The following PPP2R2C variants were observed in gnomAD, a reference collection of about 807,000 sequenced individuals.
PPP2R2C encodes the protein protein phosphatase 2, regulatory subunit B, gamma.
Under a neutral mutation model 45.3 loss-of-function variants are expected in PPP2R2C, and 10 were observed. That is an observed-to-expected ratio of 0.22 (90% CI 0.14 to 0.37). The LOEUF (loss-of-function observed/expected upper bound fraction) is 0.37. PPP2R2C is among the 10% of genes least tolerant of loss of function. The pLI, the probability that PPP2R2C is intolerant of heterozygous loss-of-function variation, is 1.00. For missense variants in PPP2R2C, 308 were observed against 619.7 expected (o/e 0.50, Z 5.34); for synonymous variants, 257 against 245.4 (o/e 1.05, Z -0.44).
chr4:6,421,601 G>C (rs1419177095), intron 1 of PPP2R2C, among the ~76,000 whole-genome samples: 1 of 152,124 alleles, frequency 6.6e-6, no homozygotes, highest in African/African-American at 2.4e-5. Flanking sequence ...ATGCTCACGG[G>C]CAGATGGACC....
At chr4:6,489,007 C>T (rs1722613766) in intron 2 of PPP2R2C, among the ~76,000 whole-genome samples, 1 of 151,802 alleles carries the variant, frequency 6.6e-6, no homozygotes, top group South Asian at 2.1e-4. Context: ...TTCTGCATAA[C>T]TCCAGAGCTG....
rs573161849 is a variant in PPP2R2C, at chr4:6,345,554, G to A, written c.790+2292C>T. On this transcript the variant is annotated intron_variant, in intron 6 of 8. Transcript: ENST00000382599. The surrounding 1 kb of genome is among the most constrained non-coding windows in gnomAD (Gnocchi z 5.3). ...AAAGACAGACAGGAGGGTCAGAGACGTGAGAGAGGCTTGGCCGCTGTGGGC... is the reference window on the plus strand; with the variant it reads ...AAAGACAGACAGGAGGGTCAGAGACATGAGAGAGGCTTGGCCGCTGTGGGC... Among the ~76,000 whole-genome samples, 3 of 152,176 alleles carry A rather than the reference G, an allele frequency of 2.0e-5. No homozygotes were observed. The highest frequency in any genetic ancestry group is 2.9e-5 in the Non-Finnish European group (2 of 68,022).
At chr4:6,492,001 T>C (rs1297089774) in intron 2 of PPP2R2C, among the ~76,000 whole-genome samples, 1 of 152,022 alleles carries the variant, frequency 6.6e-6, no homozygotes, top group African/African-American at 2.4e-5. Context: ...AGGGCCTGAG[T>C]AAACTACTGT....
At chr4:6,365,112 T>C (rs1316331672) in intron 5 of PPP2R2C, among the ~76,000 whole-genome samples, 1 of 152,130 alleles carries the variant, frequency 6.6e-6, no homozygotes, top group African/African-American at 2.4e-5. Context: ...CATACAACTG[T>C]ACTCGCAGGC....
chr4:6,325,235 G>A (rs562662019), intron 8 of PPP2R2C, among the ~76,000 whole-genome samples: 6 of 152,150 alleles, frequency 3.9e-5, no homozygotes, highest in Non-Finnish European at 5.9e-5. Flanking sequence ...GTGAATCAGG[G>A]GACATAGGCT....
At chr4:6,355,833 A>C (rs1041702231) in intron 5 of PPP2R2C, among the ~76,000 whole-genome samples, 4 of 97,794 alleles carry the variant, frequency 4.1e-5, no homozygotes. Context: ...TCTACTAAAA[A>C]TACAAAAAAA....
intron 1 of PPP2R2C, among the ~76,000 whole-genome samples, chr4:6,460,227 C>T (rs189998429): frequency 6.6e-6 from 1 of 152,160 alleles, no homozygotes; most frequent in Non-Finnish European, 1.5e-5. Flanking sequence ...CAAAAAGGAC[C>T]TTTAACAAGG....
intron 6 of PPP2R2C, among the ~76,000 whole-genome samples, chr4:6,337,601 G>A (rs1733080401): frequency 6.6e-6 from 1 of 152,124 alleles, no homozygotes; most frequent in South Asian, 2.1e-4. Flanking sequence ...GACCTTGAGG[G>A]CTGGTCTAGG....
At chr4:6,524,708 G>C (rs950518437) in intron 2 of PPP2R2C, among the ~76,000 whole-genome samples, 4 of 152,194 alleles carry the variant, frequency 2.6e-5, no homozygotes, top group African/African-American at 9.7e-5. Context: ...TCAGGCTTCC[G>C]TTAATCACAA....
At chr4:6,461,666 C>A (rs1482019016) in intron 1 of PPP2R2C, among the ~76,000 whole-genome samples, 2 of 148,076 alleles carry the variant, frequency 1.4e-5, no homozygotes, top group South Asian at 2.2e-4. Context: ...AAGGGATAAA[C>A]TTCTATGACA....
chr4:6,393,784 G>A (rs1452532036), intron 1 of PPP2R2C, among the ~76,000 whole-genome samples: 1 of 152,220 alleles, frequency 6.6e-6, no homozygotes, highest in Non-Finnish European at 1.5e-5. Context: ...CCTGGGGGAG[G>A]TGGACGGGGT....
At chr4:6,436,174 T>C (rs1481984163) in intron 1 of PPP2R2C, among the ~76,000 whole-genome samples, 2 of 152,202 alleles carry the variant, frequency 1.3e-5, no homozygotes, top group African/African-American at 2.4e-5. Flanking sequence ...CTTCCCAGCC[T>C]CCAGAACTGT....
At position 6,332,840 on chromosome 4, in the gene PPP2R2C, G is replaced by A. The variant is rs73795974; in HGVS notation, c.960+722C>T. On this transcript the variant is annotated intron_variant, in intron 7 of 8. Coordinates refer to ENST00000382599, the MANE Select transcript of PPP2R2C (RefSeq NM_020416.4). This position sits in a 1 kb window ranked among gnomAD's most constrained non-coding sequence, Gnocchi z 4.9. ...GTGGGGTGTTTTCCCACCCATGTTT[G>A]CACGGCCAGATCTTACCCATCCTTC... Among the ~76,000 whole-genome samples the A allele has an allele frequency of 1.3e-5, 2 of 152,092 alleles. No homozygotes were observed. Among genetic ancestry groups the A allele is most frequent in the South Asian group, 4.2e-4 (2 of 4,818 alleles).
chr4:6,388,741 G>A (rs116744559), intron 1 of PPP2R2C, among the ~76,000 whole-genome samples: 3,051 of 152,312 alleles, frequency 0.02, 47 homozygotes, highest in Non-Finnish European at 0.029. Context: ...AGCTGGTGGG[G>A]AGGCCTGGAA....
chr4:6,538,227 C>T (rs1724694544), intron 1 of PPP2R2C, among the ~76,000 whole-genome samples: 1 of 152,144 alleles, frequency 6.6e-6, no homozygotes, highest in Admixed American at 6.5e-5. Context: ...AGTTGAATGA[C>T]TTGTCTCAGG....
Position 6,472,167 on chromosome 4 carries a change from C to T in PPP2R2C, c.63G>A (p.Val21=). The stretch of plus-strand genomic sequence containing the variant: ...AGACAACACGTACGTTACCTTCAGT[C>T]ACATAGCTGTGGTCCCGCAGGAAGC... ...NHSFLRDHSY[V]TEADIISTVE... The change falls in exon 1 of 9, where the codon GTG becomes GTA. Residue 21 remains valine, a synonymous_variant. Coordinates refer to ENST00000382599, the MANE Select transcript of PPP2R2C (RefSeq NM_020416.4). The T allele has an allele frequency of 6.2e-7, 1 of 1,613,632 alleles. No homozygotes were observed. Among genetic ancestry groups the T allele is most frequent in the East Asian group, 2.2e-5 (1 of 44,838 alleles).
At position 6,472,309 on chromosome 4, in the gene PPP2R2C, G is replaced by A; in HGVS notation, c.-80C>T. On this transcript the variant is annotated 5_prime_UTR_variant, in exon 1 of 9. Coordinates refer to ENST00000382599, the MANE Select transcript of PPP2R2C (RefSeq NM_020416.4). ...CCGCAGAGGTCGCGCCGGGCGCGCG[G>A]GCCATGCCGCCGCAGCCTAGCAGGG... The A allele has an allele frequency of 2.5e-6, 4 of 1,583,874 alleles. No homozygotes were observed. Among genetic ancestry groups the A allele is most frequent in the Non-Finnish European group, 3.4e-6 (4 of 1,165,794 alleles).
intron 2 of PPP2R2C, among the ~76,000 whole-genome samples, chr4:6,482,136 C>G (rs1722375451): frequency 1.3e-5 from 2 of 152,144 alleles, no homozygotes; most frequent in South Asian, 4.1e-4. Flanking sequence ...ATTTATTCAG[C>G]TCTTCTTTCA....
chr4:6,340,401 C>G (rs1696978730), intron 6 of PPP2R2C, among the ~76,000 whole-genome samples: 1 of 152,102 alleles, frequency 6.6e-6, no homozygotes, highest in Non-Finnish European at 1.5e-5. Context: ...GCTCCTGATG[C>G]CCTTCATGGA....
Sources: gnomAD v4.1 joint callset for allele counts (sites outside exome capture counted in the v4.1 genomes callset) on GRCh38, gnomAD v4.1.1 for gene constraint, Gnocchi (gnomAD v3.1) non-coding constraint, MANE v1.5 for transcripts, NCBI Gene and HGNC (gene_info 2026-07-23, HGNC 2026-07-21) for gene names.